SHANK2: variants seen among roughly 807,000 people sequenced by gnomAD.
The protein encoded by SHANK2 is SH3 and multiple ankyrin repeat domains 2.
Under a neutral mutation model 133.7 loss-of-function variants are expected in SHANK2, and 43 were observed. That is an observed-to-expected ratio of 0.32 (90% CI 0.25 to 0.41). The LOEUF is 0.41. SHANK2 is among the 10% of genes least tolerant of loss of function. The pLI is 1.00. For synonymous variants in SHANK2, 1,017 were observed against 952.8 expected, an observed-to-expected ratio of 1.07 and a Z score of -1.24; for missense variants, 1,994 against 2,235.8, an observed-to-expected ratio of 0.89 and a Z score of 2.18.
At chr11:70,706,262 T>C (rs1472897432) in intron 14 of SHANK2, among the ~76,000 whole-genome samples, 1 of 152,228 alleles carries the variant, frequency 6.6e-6, no homozygotes, top group Non-Finnish European at 1.5e-5. Flanking sequence ...ACTGCAATGC[T>C]AGCTCTCCAG....
At position 70,882,782 on chromosome 11, in the gene SHANK2, C is replaced by T. The variant is rs1401447551; in HGVS notation, c.1174+13719G>A. Among the ~76,000 whole-genome samples, 1 of 152,172 alleles carries T rather than the reference C, an allele frequency of 6.6e-6. No individual in the cohort carries two copies. The highest frequency in any genetic ancestry group is 1.5e-5 in the Non-Finnish European group (1 of 68,038). ...CTCTGTGCCATCTGTCCACGCTGGC[C>T]CAGCATCTGCGAGCACAGGAAGCCA... On this transcript the variant is annotated intron_variant, in intron 11 of 25. Coordinates refer to ENST00000601538, the MANE Select transcript of SHANK2 (RefSeq NM_012309.5). This position sits in a 1 kb window ranked among gnomAD's most constrained non-coding sequence, Gnocchi z 4.2.
At chr11:70,661,442 GA>G (rs1490107100) in intron 16 of SHANK2, among the ~76,000 whole-genome samples, 153 bp downstream of exon 16, 1 of 150,736 alleles carries the variant, frequency 6.6e-6, no homozygotes, top group Non-Finnish European at 1.5e-5. Context: ...GTGCCCCCAG[GA>G]AAAATGCTTA....
chr11:71,080,329 G>A lies in SHANK2; in HGVS notation c.913-5054C>T, dbSNP rs1039595693. On this transcript the variant is annotated intron_variant, in intron 8 of 25. Coordinates refer to ENST00000601538, the MANE Select transcript of SHANK2 (RefSeq NM_012309.5). ...ACTGTTTGCCCCAGCGATGCCTAGC[G>A]TCCCACCCGCCCTGTGCAACCACAA... is the stretch of plus-strand genomic sequence containing the variant. 8.1e-3 allele frequency among the ~76,000 whole-genome samples: 1,230 copies of A among 152,184 alleles called. 17 individuals are homozygous for A. The highest frequency in any genetic ancestry group is 0.028 in the African/African-American group (1,176 of 41,518).
chr11:70,695,968 T>C (rs1945383348), intron 15 of SHANK2, among the ~76,000 whole-genome samples: 1 of 151,770 alleles, frequency 6.6e-6, no homozygotes, highest in Non-Finnish European at 1.5e-5. Flanking sequence ...GACCCCAGTG[T>C]GGTCTGCATG....
intron 17 of SHANK2, among the ~76,000 whole-genome samples, chr11:70,616,030 T>C (rs1372526450): frequency 6.6e-6 from 1 of 152,064 alleles, no homozygotes. Context: ...AGCCTGCCTC[T>C]GGGAAATGGA....
intron 17 of SHANK2, among the ~76,000 whole-genome samples, chr11:70,616,368 C>G (rs1366133123): frequency 6.6e-6 from 1 of 152,056 alleles, no homozygotes; most frequent in African/African-American, 2.4e-5. Flanking sequence ...CCCTCCCCAG[C>G]CTGGGAGGGG....
intron 11 of SHANK2, among the ~76,000 whole-genome samples, chr11:70,872,579 T>A (rs1332266679): frequency 6.6e-6 from 1 of 151,756 alleles, no homozygotes; most frequent in Non-Finnish European, 1.5e-5. Flanking sequence ...ATGGAGGGAA[T>A]AGGGGGCCCC....
intron 11 of SHANK2, among the ~76,000 whole-genome samples, chr11:70,829,336 G>C (rs183393749): frequency 6.6e-6 from 1 of 152,140 alleles, no homozygotes; most frequent in East Asian, 1.9e-4. Context: ...GCCACCGTCC[G>C]GTGCGTGTGC....
chr11:71,079,768 A>C (rs1341507325), intron 8 of SHANK2, among the ~76,000 whole-genome samples: 1 of 148,514 alleles, frequency 6.7e-6, no homozygotes, highest in Non-Finnish European at 1.5e-5. Context: ...AAAAGAGAGA[A>C]AGAAAGAGAG....
chr11:70,481,582 T>G (rs1555151615), intron 25 of SHANK2, among the ~76,000 whole-genome samples: 1 of 152,230 alleles, frequency 6.6e-6, no homozygotes. Flanking sequence ...AAAACTTGTT[T>G]CTATGGAAAT....
Position 70,876,225 on chromosome 11 carries a change from T to TAC in SHANK2, c.1174+20274_1174+20275dup, listed in dbSNP as rs576687212. Reference sequence around the variant, plus strand: ...AATATACACACATGTATATACATAATACACACACACACATATAGACACACA... The same window carrying TAC: ...AATATACACACATGTATATACATAATACACACACACACACATATAGACACACA... On this transcript the variant is annotated intron_variant, in intron 11 of 25. Coordinates refer to ENST00000601538, the MANE Select transcript of SHANK2 (RefSeq NM_012309.5). 0.017 allele frequency among the ~76,000 whole-genome samples: 186 copies of TAC among 11,236 alleles called. 2 individuals carry two copies. In the South Asian group the frequency reaches 0.2, roughly 12 times the overall value. The allele number at this position is 11,236 out of a possible 152,430, so 7.4% of individuals were successfully genotyped here. A position where few individuals can be genotyped will look rare whatever the true frequency, so the allele number is the denominator to read the frequency against.
chr11:71,181,795 G>A (rs533895188), intron 2 of SHANK2, among the ~76,000 whole-genome samples: 4 of 152,306 alleles, frequency 2.6e-5, no homozygotes, highest in African/African-American at 7.2e-5. Flanking sequence ...AGCCACCTGT[G>A]GAGCAATAAG....
intron 17 of SHANK2, among the ~76,000 whole-genome samples, chr11:70,645,489 T>C (rs2061247727): frequency 6.6e-6 from 1 of 152,132 alleles, no homozygotes; most frequent in Non-Finnish European, 1.5e-5. Context: ...AAAAACACTC[T>C]GGAAAAATTA....
intron 14 of SHANK2, among the ~76,000 whole-genome samples, chr11:70,786,525 C>A (rs1947657783): frequency 6.6e-6 from 1 of 152,186 alleles, no homozygotes; most frequent in Admixed American, 6.5e-5. Flanking sequence ...TGAGCCACTG[C>A]AACAACCCTG....
rs536570671 is a variant in SHANK2 at position 71,175,189 on chromosome 11, G to A, written c.-12-27851C>T. 2.6e-5 allele frequency among the ~76,000 whole-genome samples: 4 copies of A among 152,230 alleles called. No homozygotes were observed. Among genetic ancestry groups the A allele is most frequent in the East Asian group, 3.9e-4 (2 of 5,174 alleles). ...GCAAGAGACAAAACCCATCGTCTTC[G>A]CCAGTGCTTCCTCGGCACCTAGTCC... On this transcript the variant is annotated intron_variant, in intron 2 of 25. Coordinates refer to ENST00000601538, the MANE Select transcript of SHANK2 (RefSeq NM_012309.5). This position sits in a 1 kb window ranked among gnomAD's most constrained non-coding sequence, Gnocchi z 4.2.
At chr11:71,139,554 C>T (rs782155836) in intron 3 of SHANK2, among the ~76,000 whole-genome samples, 43 of 152,268 alleles carry the variant, frequency 2.8e-4, no homozygotes, top group East Asian at 2.5e-3. Flanking sequence ...CTTTGGGCCA[C>T]GGGGCCAGTT....
intron 11 of SHANK2, among the ~76,000 whole-genome samples, chr11:70,854,540 G>A (rs564971263): frequency 6.6e-6 from 1 of 152,340 alleles, no homozygotes; most frequent in Admixed American, 6.5e-5. Flanking sequence ...TGGCTGGATT[G>A]AGGGAGAGGG....
At chr11:71,226,739 AC>A (rs1456967295) in intron 1 of SHANK2, 6 of 152,156 alleles carry the variant, frequency 3.9e-5, no homozygotes, top group Admixed American at 3.3e-4. Context: ...CCACTGGCAG[AC>A]CTATTCTAAA....
At chr11:70,530,621 T>G (rs1294844339) in intron 17 of SHANK2, among the ~76,000 whole-genome samples, 1 of 152,128 alleles carries the variant, frequency 6.6e-6, no homozygotes, top group African/African-American at 2.4e-5. Context: ...CTCAGCGAAA[T>G]AAGCCAGACA....
Sources: allele counts gnomAD v4.1 joint callset (sites outside exome capture counted in the v4.1 genomes callset), GRCh38; gene constraint gnomAD v4.1.1; non-coding constraint Gnocchi (gnomAD v3.1); transcripts MANE v1.5; gene names NCBI Gene and HGNC (gene_info 2026-07-23, HGNC 2026-07-21).